Variants in PLEKHA6 observed in about 807,000 individuals in gnomAD.
PLEKHA6 encodes the protein pleckstrin homology domain containing A6.
A neutral mutation model predicts 116.7 loss-of-function variants in PLEKHA6; 60 were observed. The ratio of observed to expected loss-of-function variants is 0.51; its 90% CI spans 0.42 to 0.64. The LOEUF (loss-of-function observed/expected upper bound fraction) is 0.64. Ranked by LOEUF, PLEKHA6 falls within the 30% of genes least tolerant of loss-of-function variation. The probability of loss-of-function intolerance (pLI) is 0.00; values close to 1 mark genes in which losing one functional copy is unlikely to be tolerated. For synonymous variants in PLEKHA6, 489 were observed against 556.1 expected, an observed-to-expected ratio of 0.88 and a Z score of 1.70; for missense variants, 1,338 against 1,422.7, an observed-to-expected ratio of 0.94 and a Z score of 0.96.
Position 204,223,535 on chromosome 1 carries a change from G to C in PLEKHA6, c.3082C>G (p.Pro1028Ala). Reference protein sequence around the residue: ...PPTSPASPAPPANPLSSESPR... With the variant: ...PPTSPASPAPAANPLSSESPR... ...GATTCAGACGACAGGGGGTTTGCTG[G>C]AGGAGCCGGGGAAGCAGGGGAGGTG... is the stretch of plus-strand genomic sequence containing the variant. Residue 1028 changes from proline (P) to alanine (A), a missense_variant, in exon 22 of 23, where the codon CCA becomes GCA. Physicochemically the swap from Pro to Ala is conservative, Grantham distance 27 (BLOSUM62 -1). Around this residue, in one of 3 missense-constraint regions of PLEKHA6, gnomAD observed 1,136 missense variants for 1,163.6 expected, o/e 0.98. Coordinates refer to ENST00000272203, the MANE Select transcript of PLEKHA6 (RefSeq NM_014935.5). The surrounding 1 kb of genome is among the most constrained non-coding windows in gnomAD (Gnocchi z 4.8). The C allele has an allele frequency of 6.5e-7, 1 of 1,550,372 alleles. No individual in the cohort carries two copies. Among genetic ancestry groups the C allele is most frequent in the Non-Finnish European group, 8.7e-7 (1 of 1,146,190 alleles).
intron 17 of PLEKHA6, 79 bp downstream of exon 17, chr1:204,241,296 G>C (rs1662770452): frequency 1.2e-6 from 1 of 852,796 alleles, no homozygotes; most frequent in Admixed American, 2.1e-5. Flanking sequence ...GAACAGCAGA[G>C]GGAGATGAGT....
intron 6 of PLEKHA6, among the ~76,000 whole-genome samples, chr1:204,262,873 G>A (rs534481848): frequency 3.3e-5 from 5 of 152,242 alleles, no homozygotes; most frequent in South Asian, 4.2e-4. Flanking sequence ...GACTTGCGAC[G>A]GATAGGGGAT....
At position 204,257,745 on chromosome 1, in the gene PLEKHA6, G is replaced by A; in HGVS notation, c.1132C>T (p.Pro378Ser). ...GVRPESICSM[P>S]AYDRISPPWA... is the part of the protein sequence containing the mutation. ...GGCGGGCTGATCCGATCATAGGCCG[G>A]CATGGAACAGATGCTCTCCGGCCGC... The change falls in exon 9 of 23, where the codon CCG becomes TCG. Residue 378 changes from proline to serine, a missense_variant. Pro to Ser is a moderately conservative substitution (Grantham distance 74). This residue lies in a region of PLEKHA6 where 1,136 missense variants were observed against 1,163.6 expected (regional missense o/e 0.98). Transcript: ENST00000272203. This position sits in a 1 kb window ranked among gnomAD's most constrained non-coding sequence, Gnocchi z 6.5. 3.1e-6 allele frequency: 5 copies of A among 1,613,488 alleles called. No homozygotes were observed. Among genetic ancestry groups the A allele is most frequent in the Non-Finnish European group, 4.2e-6 (5 of 1,179,780 alleles).
intron 1 of PLEKHA6, among the ~76,000 whole-genome samples, chr1:204,318,345 C>T (rs1671936697): frequency 6.6e-6 from 1 of 152,286 alleles, no homozygotes; most frequent in East Asian, 1.9e-4. Context: ...CTATTATTAC[C>T]CCTGCTGTAC....
chr1:204,376,393 G>A (rs1017411639), intron 1 of PLEKHA6, among the ~76,000 whole-genome samples: 1 of 152,218 alleles, frequency 6.6e-6, no homozygotes. Context: ...TCTAGCCACT[G>A]CAGTTTTAAT....
chr1:204,362,194 C>T (rs533813983), upstream of PLEKHA6, among the ~76,000 whole-genome samples: 1 of 152,110 alleles, frequency 6.6e-6, no homozygotes, highest in East Asian at 1.9e-4. Flanking sequence ...ACAGGTGAGG[C>T]GGATGGACCA....
At position 204,241,691 on chromosome 1, in the gene PLEKHA6, T is replaced by G; in HGVS notation, c.2296A>C (p.Asn766His). ...AAGATGGGACAGAAAGTACCTTTGT[T>G]GAGAGCTGCCTGCTTCTCTGCCTCT... ...EVEAEKQAAL[N>H]KVGVVPPRTK... is the part of the protein sequence containing the mutation. The change falls in exon 16 of 23, where the codon AAC becomes CAC. Residue 766 changes from asparagine to histidine, a missense_variant. Asn to His is a moderately conservative substitution (Grantham distance 68). Transcript: ENST00000272203. 1 of 1,595,092 alleles carries G rather than the reference T, an allele frequency of 6.3e-7. No individual in the cohort carries two copies. The highest frequency in any genetic ancestry group is 8.5e-7 in the Non-Finnish European group (1 of 1,172,308).
intron 1 of PLEKHA6, among the ~76,000 whole-genome samples, chr1:204,296,463 A>G (rs4611087): frequency 0.21 from 31,597 of 151,560 alleles, 3,659 homozygotes; most frequent in South Asian, 0.29. Context: ...CACCATCATC[A>G]CTATCTACCA....
chr1:204,256,654 G>A lies in PLEKHA6; in HGVS notation c.1524+699C>T, dbSNP rs571730335. 21 of 426,812 alleles carry A rather than the reference G, an allele frequency of 4.9e-5. No homozygotes were observed. The South Asian group carries it at 1.5e-3, about 30-fold the overall frequency. The allele number at this position is 426,812 out of a possible 1,614,324, so 26.4% of individuals were successfully genotyped here. A position where few individuals can be genotyped will look rare whatever the true frequency, so the allele number is the denominator to read the frequency against. On this transcript the variant is annotated intron_variant, in intron 9 of 22. Transcript: ENST00000272203. ...ACTGGGGCTAGAGTCCTGGCTGGGAGGGAGGAGGTATCCAGAGGCTGCTAA... is the reference window on the plus strand; with the variant it reads ...ACTGGGGCTAGAGTCCTGGCTGGGAAGGAGGAGGTATCCAGAGGCTGCTAA...
At chr1:204,337,415 T>C (rs1672687537) in intron 1 of PLEKHA6, among the ~76,000 whole-genome samples, 1 of 152,094 alleles carries the variant, frequency 6.6e-6, no homozygotes, top group Admixed American at 6.5e-5. Flanking sequence ...ACATCCTAAC[T>C]CACCCGGCGA....
intron 1 of PLEKHA6, chr1:204,309,577 C>G: frequency 5.2e-6 from 1 of 190,536 alleles, no homozygotes; most frequent in Non-Finnish European, 9.7e-6. Flanking sequence ...GGCTATACCA[C>G]CTGGGCTTGT....
At chr1:204,244,649 T>C (rs1663382463) in intron 15 of PLEKHA6, among the ~76,000 whole-genome samples, 1 of 152,136 alleles carries the variant, frequency 6.6e-6, no homozygotes, top group Non-Finnish European at 1.5e-5. Context: ...GCAAGGGAGC[T>C]AAAGATGACA....
At chr1:204,365,145 G>C (rs1345240905) in intron 3 of PLEKHA6, among the ~76,000 whole-genome samples, 2 of 152,184 alleles carry the variant, frequency 1.3e-5, no homozygotes, top group Non-Finnish European at 2.9e-5. Context: ...GCCAGGTGGG[G>C]AGTGTGGGAG....
chr1:204,239,640 G>A (rs776407999), intron 17 of PLEKHA6, among the ~76,000 whole-genome samples: 1 of 152,152 alleles, frequency 6.6e-6, no homozygotes, highest in Non-Finnish European at 1.5e-5. Context: ...GAATTCACTG[G>A]TCTTACTATG....
At chr1:204,318,278 G>A (rs946406428) in intron 1 of PLEKHA6, among the ~76,000 whole-genome samples, 1 of 152,148 alleles carries the variant, frequency 6.6e-6, no homozygotes, top group Non-Finnish European at 1.5e-5. Flanking sequence ...CGAGAGCACA[G>A]GGCCAAGGGC....
intron 11 of PLEKHA6, 68 bp downstream of exon 11, chr1:204,249,116 A>G (rs1402924003): frequency 6.1e-6 from 9 of 1,477,866 alleles, no homozygotes; most frequent in Non-Finnish European, 8.5e-6. Context: ...TGGAGACAGC[A>G]GCCCACAACC....
Position 204,223,625 on chromosome 1 carries a change from T to A in PLEKHA6, c.3032-40A>T, listed in dbSNP as rs551596995. On this transcript the variant is annotated intron_variant, in intron 21 of 22. Coordinates refer to ENST00000272203, the MANE Select transcript of PLEKHA6 (RefSeq NM_014935.5). This position sits in a 1 kb window ranked among gnomAD's most constrained non-coding sequence, Gnocchi z 4.8. ...GAACAGGGAGGTGAATGGGGGTGGG[T>A]GGGGGAGGAGGGTGGGCACCCAGAG... The A allele has an allele frequency of 3.2e-3, 6 of 1,868 alleles. No individual in the cohort carries two copies. The highest frequency in any genetic ancestry group is 5.7e-3 in the Non-Finnish European group (5 of 884). The allele number at this position is 1,868 out of a possible 1,614,324, so 0.1% of individuals were successfully genotyped here.
intron 1 of PLEKHA6, among the ~76,000 whole-genome samples, chr1:204,353,839 G>A (rs755505935): frequency 2.6e-5 from 4 of 151,544 alleles, no homozygotes; most frequent in African/African-American, 7.3e-5. Flanking sequence ...ACTCCCACCC[G>A]CACCACCCCA....
At chr1:204,366,916 GA>G (rs1673672206) in intron 3 of PLEKHA6, among the ~76,000 whole-genome samples, 1 of 152,222 alleles carries the variant, frequency 6.6e-6, no homozygotes, top group Non-Finnish European at 1.5e-5. Flanking sequence ...ACGGAAAGGG[GA>G]TGAGACAAGG....
Sources: allele counts gnomAD v4.1 joint callset (sites outside exome capture counted in the v4.1 genomes callset), GRCh38; gene constraint gnomAD v4.1.1; regional missense constraint gnomAD v4.1.1; non-coding constraint Gnocchi (gnomAD v3.1); transcripts MANE v1.5; gene names NCBI Gene and HGNC (gene_info 2026-07-23, HGNC 2026-07-21).